Variants in CAST observed in about 807,000 individuals in gnomAD.
The protein encoded by CAST is MIR583 host.
A neutral mutation model predicts 119.6 loss-of-function variants in CAST; 76 were observed. That is an observed-to-expected ratio of 0.64 (90% CI 0.53 to 0.77). The LOEUF is 0.77. Among genes scored for constraint, CAST ranks in the 30% least tolerant of loss-of-function variants. The pLI is 0.00. For synonymous variants in CAST, 319 were observed against 331.6 expected, an observed-to-expected ratio of 0.96 and a Z score of 0.41; for missense variants, 953 against 946.5, an observed-to-expected ratio of 1.01 and a Z score of -0.09.
intron 1 of CAST, among the ~76,000 whole-genome samples, chr5:96,628,198 T>C (rs11958228): frequency 0.17 from 25,452 of 152,210 alleles, 3,107 homozygotes; most frequent in African/African-American, 0.36. Context: ...AAAAGTTTGA[T>C]AACTTATTAA....
intron 1 of CAST, among the ~76,000 whole-genome samples, chr5:96,632,606 A>C: frequency 6.6e-6 from 1 of 152,146 alleles, no homozygotes; most frequent in South Asian, 2.1e-4. Flanking sequence ...TTTGAGTTTT[A>C]TATACAGGGT....
the CAST span, among the ~76,000 whole-genome samples, chr5:96,334,983 C>A: frequency 5.3e-5 from 8 of 152,198 alleles, no homozygotes; most frequent in African/African-American, 9.7e-5. Flanking sequence ...TTATCGTCCT[C>A]CAATTTCAGA....
chr5:96,722,018 A>T (rs1220674708), intron 3 of CAST, among the ~76,000 whole-genome samples: 1 of 152,206 alleles, frequency 6.6e-6, no homozygotes, highest in Non-Finnish European at 1.5e-5. Flanking sequence ...CATCCACCCA[A>T]GTCTATTTAC....
chr5:96,538,086 C>T (rs1281411644), intron 1 of CAST, among the ~76,000 whole-genome samples: 2 of 152,152 alleles, frequency 1.3e-5, no homozygotes, highest in Non-Finnish European at 2.9e-5. Context: ...AATCTACACA[C>T]AAGGCAAAGA....
intron 9 of CAST, among the ~76,000 whole-genome samples, chr5:96,733,837 G>A (rs527772380): frequency 2.0e-5 from 3 of 152,082 alleles, no homozygotes; most frequent in African/African-American, 4.8e-5. Context: ...AGATCGCACC[G>A]TTGCACTCCA....
At chr5:96,020,617 G>A in the CAST span, among the ~76,000 whole-genome samples, 105 of 152,246 alleles carry the variant, frequency 6.9e-4, 1 homozygote, top group African/African-American at 1.9e-3. Context: ...TGCTCTTTGC[G>A]AGAATCTAAT....
At chr5:96,752,110 C>T (rs1765193752) in intron 20 of CAST, among the ~76,000 whole-genome samples, 1 of 152,158 alleles carries the variant, frequency 6.6e-6, no homozygotes, top group Admixed American at 6.5e-5. Context: ...GAGATGAATG[C>T]GTTCCCTAGG....
At chr5:96,513,024 A>G in the CAST span, among the ~76,000 whole-genome samples, 1 of 152,202 alleles carries the variant, frequency 6.6e-6, no homozygotes, top group East Asian at 1.9e-4. Flanking sequence ...CTGAAACCAC[A>G]GAACAATCAT....
chr5:96,523,623 G>A (rs947099390), upstream of CAST, among the ~76,000 whole-genome samples: 3 of 152,202 alleles, frequency 2.0e-5, no homozygotes. Flanking sequence ...GGTGGAAGAA[G>A]TCTGCAGGCA....
At chr5:96,045,571 T>C in the CAST span, among the ~76,000 whole-genome samples, 2 of 152,286 alleles carry the variant, frequency 1.3e-5, no homozygotes, top group Admixed American at 1.3e-4. Flanking sequence ...CTTGACTTCA[T>C]GGAGCTTATT....
At chr5:96,551,530 C>T (rs895298301) in intron 1 of CAST, among the ~76,000 whole-genome samples, 1 of 152,118 alleles carries the variant, frequency 6.6e-6, no homozygotes, top group Non-Finnish European at 1.5e-5. Context: ...AAATAACCAG[C>T]TAGCATCACA....
the CAST span, among the ~76,000 whole-genome samples, chr5:96,044,709 C>T: frequency 1.3e-5 from 2 of 152,010 alleles, no homozygotes; most frequent in Non-Finnish European, 2.9e-5. Flanking sequence ...AACTACTTAC[C>T]CAAGTGTCTA....
chr5:96,434,916 G>A, the CAST span, among the ~76,000 whole-genome samples: 2 of 152,220 alleles, frequency 1.3e-5, no homozygotes, highest in African/African-American at 4.8e-5. Flanking sequence ...ACATGGTTAA[G>A]TGTTTTACAA....
chr5:96,142,868 T>C, the CAST span, among the ~76,000 whole-genome samples: 1 of 152,326 alleles, frequency 6.6e-6, no homozygotes, highest in Non-Finnish European at 1.5e-5. Context: ...TAATTAGCTC[T>C]TGGTGTTTGC....
the CAST span, among the ~76,000 whole-genome samples, chr5:96,198,945 G>C: frequency 2.0e-5 from 3 of 152,132 alleles, no homozygotes; most frequent in Non-Finnish European, 2.9e-5. Flanking sequence ...ACTTAAAATA[G>C]TAAGCTCTGA....
chr5:96,636,757 G>A (rs188884085), intron 1 of CAST, among the ~76,000 whole-genome samples: 179 of 152,316 alleles, frequency 1.2e-3, no homozygotes, highest in African/African-American at 4.1e-3. Flanking sequence ...GCTGTGGCTG[G>A]TGGGGGAAAG....
the CAST span, among the ~76,000 whole-genome samples, chr5:96,022,354 T>C: frequency 6.6e-6 from 1 of 152,152 alleles, no homozygotes; most frequent in African/African-American, 2.4e-5. Context: ...TGTCAAAAAT[T>C]GAGGCAGAAA....
At chr5:96,446,138 C>T in the CAST span, among the ~76,000 whole-genome samples, 1 of 144,698 alleles carries the variant, frequency 6.9e-6, no homozygotes, top group Admixed American at 7.0e-5. Flanking sequence ...CGATTACAGG[C>T]ATCAGCCACC....
chr5:96,074,932 C>T, the CAST span, among the ~76,000 whole-genome samples: 6 of 152,140 alleles, frequency 3.9e-5, no homozygotes, highest in Non-Finnish European at 8.8e-5. Context: ...GGTGAATAAA[C>T]CAGTGGAAAC....
Sources: gnomAD v4.1 joint callset for allele counts (sites outside exome capture counted in the v4.1 genomes callset) on GRCh38, gnomAD v4.1.1 for gene constraint, MANE v1.5 for transcripts, NCBI Gene and HGNC (gene_info 2026-07-23, HGNC 2026-07-21) for gene names.